UFL1: variants seen among roughly 807,000 people sequenced by gnomAD.
UFL1 encodes the protein UFM1 specific ligase 1.
Under a neutral mutation model 99.3 loss-of-function variants are expected in UFL1, and 78 were observed. The observed-to-expected ratio is 0.79, with a 90% CI of 0.65 to 0.95. The LOEUF is 0.95. Among genes scored for constraint, UFL1 ranks in the 40% least tolerant of loss-of-function variants. The pLI is 0.00. For synonymous variants in UFL1, 335 were observed against 322.2 expected, an observed-to-expected ratio of 1.04 and a Z score of -0.42; for missense variants, 936 against 937.0, an observed-to-expected ratio of 1.00 and a Z score of 0.01.
intron 15 of UFL1, 32 bp from the exon 16 acceptor site, chr6:96,551,401 A>C (rs1010776176): frequency 8.3e-7 from 1 of 1,203,128 alleles, no homozygotes; most frequent in Non-Finnish European, 1.2e-6. Flanking sequence ...TCAAAAGCAC[A>C]GTACTGAATG....
intron 15 of UFL1, 21 bp from the exon 16 acceptor site, chr6:96,551,412 A>C (rs1402284156): frequency 7.4e-7 from 1 of 1,345,970 alleles, no homozygotes; most frequent in African/African-American, 1.5e-5. Flanking sequence ...GTACTGAATG[A>C]ATTTTCATTT....
At chr6:96,526,461 G>C in intron 5 of UFL1, 26 bp downstream of exon 5, 1 of 1,569,862 alleles carries the variant, frequency 6.4e-7, no homozygotes, top group Non-Finnish European at 8.7e-7. Flanking sequence ...ATAATACAAT[G>C]TGTCTTTTTA....
intron 4 of UFL1, among the ~76,000 whole-genome samples, chr6:96,526,055 C>T (rs1338486613): frequency 3.3e-5 from 5 of 150,458 alleles, no homozygotes; most frequent in Admixed American, 6.6e-5. Flanking sequence ...CATTGCACTC[C>T]AGCCTGGGTG....
At chr6:96,535,375 C>T (rs1035431979) in intron 7 of UFL1, among the ~76,000 whole-genome samples, 3 of 151,874 alleles carry the variant, frequency 2.0e-5, no homozygotes, top group African/African-American at 4.8e-5. Flanking sequence ...ATTTCTAAAA[C>T]AAAATGTTTA....
At position 96,549,674 on chromosome 6, in the gene UFL1, A is replaced by G. The variant is rs774316370; in HGVS notation, c.1693A>G (p.Thr565Ala). The change falls in exon 15 of 19, where the codon ACA (threonine) becomes GCA (alanine). Residue 565 changes from threonine to alanine, a missense_variant. Coordinates refer to ENST00000369278, the MANE Select transcript of UFL1 (RefSeq NM_015323.5). Reference sequence around the variant, plus strand: ...AAAGGTCCTTTATTTTCCAGATGACACACAGGCTGCTCTTACCAAACACTT... The same window carrying G: ...AAAGGTCCTTTATTTTCCAGATGACGCACAGGCTGCTCTTACCAAACACTT... ...EKGMKFFADDTQAALTKHLLK... is the reference protein window; with the variant it reads ...EKGMKFFADDAQAALTKHLLK... 6.2e-7 allele frequency: 1 copy of G among 1,608,118 alleles called. No homozygotes were observed. The highest frequency in any genetic ancestry group is 8.5e-7 in the Non-Finnish European group (1 of 1,177,614).
rs563279590 is a variant in UFL1, at chr6:96,542,764, G to C, written c.1280-130G>C. On this transcript the variant is annotated intron_variant, in intron 11 of 18. Coordinates refer to ENST00000369278, the MANE Select transcript of UFL1 (RefSeq NM_015323.5). The stretch of plus-strand genomic sequence containing the variant: ...TAATAGGGAACTCCAAATTTAAAAA[G>C]AGTCTAAAAGTTTCTTTATTTTGCC... 17 of 845,292 alleles carry C rather than the reference G, an allele frequency of 2.0e-5. No homozygotes were observed. In the African/African-American group the frequency reaches 3.1e-4, roughly 15 times the overall value. 52.4% of individuals were successfully genotyped at this position (845,292 alleles called of 1,614,324 possible).
chr6:96,532,651 G>A lies in UFL1; in HGVS notation c.597-1612G>A, dbSNP rs938560879. 2.6e-4 allele frequency among the ~76,000 whole-genome samples: 40 copies of A among 152,142 alleles called. 1 individual carries two copies. Among genetic ancestry groups the A allele is most frequent in the Middle Eastern group, 3.2e-3 (1 of 316 alleles). On this transcript the variant is annotated intron_variant, in intron 6 of 18. Coordinates refer to ENST00000369278, the MANE Select transcript of UFL1 (RefSeq NM_015323.5). ...TCCCCTTTGCTTCCTCTTTCACTATGTGATTTATTTATACATGTCTTCTCC... is the reference window on the plus strand; with the variant it reads ...TCCCCTTTGCTTCCTCTTTCACTATATGATTTATTTATACATGTCTTCTCC...
At position 96,554,969 on chromosome 6, in the gene UFL1, G is replaced by T. The variant is rs141043571; in HGVS notation, c.*1466G>T. On this transcript the variant is annotated 3_prime_UTR_variant, in exon 19 of 19. Coordinates refer to ENST00000369278, the MANE Select transcript of UFL1 (RefSeq NM_015323.5). ...AACCTTTAAGAACCTTATCATTTATGTTTCAGTAGATATCAAAGTAATCCA... is the reference window on the plus strand; with the variant it reads ...AACCTTTAAGAACCTTATCATTTATTTTTCAGTAGATATCAAAGTAATCCA... 2.9e-3 allele frequency: 443 copies of T among 152,578 alleles called. 1 individual carries two copies. Among genetic ancestry groups the T allele is most frequent in the African/African-American group, 0.01 (421 of 41,536 alleles). 9.5% of individuals were successfully genotyped at this position (152,578 alleles called of 1,614,324 possible).
chr6:96,542,908 A>C lies in UFL1; in HGVS notation c.1294A>C (p.Met432Leu). Residue 432 changes from methionine (M) to leucine (L), a missense_variant, in exon 12 of 19, where the codon ATG becomes CTG. Met to Leu is a conservative substitution (Grantham distance 15). Coordinates refer to ENST00000369278, the MANE Select transcript of UFL1 (RefSeq NM_015323.5). Reference sequence around the variant, plus strand: ...TTTCCCACCAGAGGGCAGTGGAAGCATGAGAGGAGGAGGTGGGGGCAATGC... The same window carrying C: ...TTTCCCACCAGAGGGCAGTGGAAGCCTGAGAGGAGGAGGTGGGGGCAATGC... ...RRKATEGSGS[M>L]RGGGGGNARE... 2 of 1,591,990 alleles carry C rather than the reference A, an allele frequency of 1.3e-6. No homozygotes were observed. Among genetic ancestry groups the C allele is most frequent in the Non-Finnish European group, 1.7e-6 (2 of 1,170,230 alleles).
At position 96,526,330 on chromosome 6, in the gene UFL1, G is replaced by A; in HGVS notation, c.360G>A (p.Leu120=). ...TTGTTTTCACTATTAGGAATTATTT[G>A]GATCGGTTGGCAGAAGAGGTCAATG... The part of the protein sequence containing the change: ...VLGQLIDENY[L]DRLAEEVNDK... The change falls in exon 5 of 19, where the codon TTG becomes TTA. Residue 120 remains leucine (L), a synonymous_variant. Transcript: ENST00000369278. 1.2e-6 allele frequency: 2 copies of A among 1,612,208 alleles called. No homozygotes were observed. The highest frequency in any genetic ancestry group is 1.7e-6 in the Non-Finnish European group (2 of 1,179,104).
At chr6:96,534,237 T>G in intron 6 of UFL1, 26 bp from the exon 7 acceptor site, 2 of 1,376,802 alleles carry the variant, frequency 1.5e-6, no homozygotes, top group South Asian at 1.5e-5. Context: ...AGTAAGAAGT[T>G]TTTTTTTTTT....
At chr6:96,548,544 C>T (rs537453681) in intron 13 of UFL1, among the ~76,000 whole-genome samples, 67 of 151,660 alleles carry the variant, frequency 4.4e-4, no homozygotes, top group Middle Eastern at 3.4e-3. Context: ...ATCTTACAGT[C>T]ATAGGTCTTG....
At chr6:96,536,851 C>T (rs545865577) in intron 8 of UFL1, among the ~76,000 whole-genome samples, 39 of 151,692 alleles carry the variant, frequency 2.6e-4, no homozygotes, top group African/African-American at 5.3e-4. Flanking sequence ...ATCAGATTTA[C>T]AATGTGTGTT....
chr6:96,529,853 A>G (rs1769756325), intron 6 of UFL1, among the ~76,000 whole-genome samples: 1 of 152,160 alleles, frequency 6.6e-6, no homozygotes, highest in African/African-American at 2.4e-5. Context: ...ATTCTAATGA[A>G]ATGATTTCCT....
At chr6:96,525,148 C>A in intron 3 of UFL1, 149 bp from the exon 4 acceptor site, 1 of 562,762 alleles carries the variant, frequency 1.8e-6, no homozygotes. Context: ...AGGGATCCTC[C>A]CGCCTCATCC....
chr6:96,523,967 C>G (rs372392355), intron 2 of UFL1, among the ~76,000 whole-genome samples: 17 of 151,870 alleles, frequency 1.1e-4, no homozygotes, highest in African/African-American at 4.1e-4. Context: ...ATTTGAATTA[C>G]TTAACAGATT....
chr6:96,545,436 A>G (rs1184720556), intron 12 of UFL1, among the ~76,000 whole-genome samples: 5 of 150,942 alleles, frequency 3.3e-5, no homozygotes, highest in Non-Finnish European at 5.9e-5. Context: ...TATTTTTGTG[A>G]GAGCAAAAAT....
intron 1 of UFL1, 121 bp downstream of exon 1, chr6:96,522,071 T>A (rs1769620935): frequency 8.9e-7 from 1 of 1,125,334 alleles, no homozygotes; most frequent in Non-Finnish European, 1.3e-6. Context: ...GTCACCATTC[T>A]CTCCTCCTCC....
intron 16 of UFL1, 45 bp downstream of exon 16, chr6:96,551,558 G>A: frequency 2.3e-6 from 3 of 1,283,196 alleles, no homozygotes; most frequent in Non-Finnish European, 3.2e-6. Flanking sequence ...CTAGCAGTTT[G>A]TTACAAAGAT....
Sources: allele counts gnomAD v4.1 joint callset (sites outside exome capture counted in the v4.1 genomes callset), GRCh38; gene constraint gnomAD v4.1.1; transcripts MANE v1.5; gene names NCBI Gene and HGNC (gene_info 2026-07-23, HGNC 2026-07-21).